Variants in GREM2 observed in about 807,000 individuals in gnomAD.
GREM2 encodes the protein gremlin 2, DAN family BMP antagonist, also known as gremlin-2.
GREM2 carries 11 observed loss-of-function variants against 14.2 expected under a neutral mutation model. The observed-to-expected ratio is 0.78, with a 90% CI of 0.49 to 1.28. The LOEUF (loss-of-function observed/expected upper bound fraction) is 1.28, where lower values mean the gene tolerates loss of function less well. Ranked by LOEUF, GREM2 falls within the 50% of genes most tolerant of loss-of-function variation. GREM2 has a pLI of 0.00. For synonymous variants in GREM2, 98 were observed against 97.6 expected (o/e 1.00, Z -0.02); for missense variants, 210 against 218.5 (o/e 0.96, Z 0.24).
chr1:240,606,296 A>G (rs928901997), intron 1 of GREM2, among the ~76,000 whole-genome samples: 13 of 152,238 alleles, frequency 8.5e-5, no homozygotes, highest in African/African-American at 2.9e-4. Flanking sequence ...ACATGTTACA[A>G]AAATAATTAT....
chr1:240,547,514 A>AAAT (rs1442340788), intron 1 of GREM2, among the ~76,000 whole-genome samples: 3 of 102,680 alleles, frequency 2.9e-5, no homozygotes, highest in South Asian at 3.1e-4. Flanking sequence ...AAAAAAAAAA[A>AAAT]ATATATATAT....
Position 240,492,123 on chromosome 1 carries a change from C to T in GREM2, c.*846G>A. 2.8e-6 allele frequency: 1 copy of T among 352,708 alleles called. No homozygotes were observed. The highest frequency in any genetic ancestry group is 2.1e-5 in the South Asian group (1 of 47,656). 21.8% of individuals were successfully genotyped at this position (352,708 alleles called of 1,614,324 possible). ...ATAATACATGAATAGGTCTATAATA[C>T]TTTTTAACAGCTCTTTACAATATAC... On this transcript the variant is annotated 3_prime_UTR_variant, in exon 2 of 2. Coordinates refer to ENST00000318160, the MANE Select transcript of GREM2 (RefSeq NM_022469.4).
At chr1:240,504,391 C>T (rs1677636681) in intron 1 of GREM2, among the ~76,000 whole-genome samples, 1 of 152,174 alleles carries the variant, frequency 6.6e-6, no homozygotes, top group African/African-American at 2.4e-5. Flanking sequence ...CGTAGGCTTT[C>T]CAAGAGGTAT....
intron 1 of GREM2, among the ~76,000 whole-genome samples, chr1:240,528,724 C>T (rs965932054): frequency 3.9e-5 from 6 of 152,188 alleles, no homozygotes; most frequent in Non-Finnish European, 5.9e-5. Context: ...TCTGGCTTCT[C>T]AGTTGCAGCC....
chr1:240,601,784 G>A (rs1679930395), intron 1 of GREM2, among the ~76,000 whole-genome samples: 1 of 152,014 alleles, frequency 6.6e-6, no homozygotes, highest in Non-Finnish European at 1.5e-5. Context: ...GCACATGCCT[G>A]TAATCCCAGC....
Position 240,577,638 on chromosome 1 carries a change from G to C in GREM2, c.-2+34246C>G, listed in dbSNP as rs556412653. Among the ~76,000 whole-genome samples the C allele has an allele frequency of 2.6e-5, 4 of 152,276 alleles. No homozygotes were observed. The East Asian group carries it at 7.7e-4, about 29-fold the overall frequency. On this transcript the variant is annotated intron_variant, in intron 1 of 1. Transcript: ENST00000318160. ...AAAATATCATGAAACGTATTTCTTT[G>C]GGAAATTATTACAGTTTGGGATGTT...
chr1:240,597,363 C>G (rs973502875), intron 1 of GREM2, among the ~76,000 whole-genome samples: 1 of 152,216 alleles, frequency 6.6e-6, no homozygotes, highest in Non-Finnish European at 1.5e-5. Context: ...CACAGCAGAG[C>G]TGCTATGCTG....
chr1:240,611,044 G>T (rs1279379091), intron 1 of GREM2, among the ~76,000 whole-genome samples: 7 of 146,496 alleles, frequency 4.8e-5, no homozygotes, highest in African/African-American at 1.5e-4. Flanking sequence ...TCAGGAAATA[G>T]ATTTTTTTAA....
chr1:240,574,586 C>T (rs1378375075), intron 1 of GREM2, among the ~76,000 whole-genome samples: 7 of 152,032 alleles, frequency 4.6e-5, no homozygotes, highest in African/African-American at 1.7e-4. Context: ...GTTAAGTAAA[C>T]TTAAAGGAGC....
chr1:240,551,684 A>T (rs1232544980), intron 1 of GREM2, among the ~76,000 whole-genome samples: 2 of 151,782 alleles, frequency 1.3e-5, no homozygotes, highest in African/African-American at 4.8e-5. Flanking sequence ...CTATTGAATG[A>T]GGTACACTTA....
intron 1 of GREM2, among the ~76,000 whole-genome samples, chr1:240,513,707 C>T (rs962363287): frequency 6.6e-6 from 1 of 151,934 alleles, no homozygotes; most frequent in South Asian, 2.1e-4. Flanking sequence ...GTCTTATGGA[C>T]CGTGATAAAT....
chr1:240,528,242 T>C (rs1572383664), intron 1 of GREM2, among the ~76,000 whole-genome samples: 1 of 152,332 alleles, frequency 6.6e-6, no homozygotes, highest in African/African-American at 2.4e-5. Flanking sequence ...TACAGTTGCC[T>C]TTTAAATAAT....
intron 1 of GREM2, among the ~76,000 whole-genome samples, chr1:240,585,672 G>T (rs79067746): frequency 7.1e-6 from 1 of 141,648 alleles, no homozygotes; most frequent in Non-Finnish European, 1.5e-5. Flanking sequence ...GGAGGTTTCA[G>T]TGAGCCGAGG....
chr1:240,547,062 G>T (rs1363120992), intron 1 of GREM2, among the ~76,000 whole-genome samples: 1 of 152,120 alleles, frequency 6.6e-6, no homozygotes, highest in Non-Finnish European at 1.5e-5. Context: ...GCCTTAACAG[G>T]AAGGGAGGGA....
chr1:240,503,008 A>G (rs574348330), intron 1 of GREM2, among the ~76,000 whole-genome samples: 2 of 152,312 alleles, frequency 1.3e-5, no homozygotes, highest in African/African-American at 4.8e-5. Context: ...ACTACCATTC[A>G]GGTCTTTATT....
intron 1 of GREM2, among the ~76,000 whole-genome samples, chr1:240,526,924 T>C (rs1029050557): frequency 1.3e-5 from 2 of 152,156 alleles, no homozygotes; most frequent in African/African-American, 4.8e-5. Flanking sequence ...ACCTCTAGGA[T>C]GGGGTCAGTT....
chr1:240,572,470 A>C (rs937234706), intron 1 of GREM2, among the ~76,000 whole-genome samples: 5 of 152,222 alleles, frequency 3.3e-5, no homozygotes, highest in African/African-American at 1.2e-4. Flanking sequence ...CTGGTAACTC[A>C]AATTACTTTA....
At chr1:240,497,843 G>A (rs1184002062) in intron 1 of GREM2, among the ~76,000 whole-genome samples, 1 of 152,108 alleles carries the variant, frequency 6.6e-6, no homozygotes, top group African/African-American at 2.4e-5. Flanking sequence ...TATTATATTT[G>A]TGGAATGATT....
intron 1 of GREM2, among the ~76,000 whole-genome samples, chr1:240,601,287 A>T (rs1679917665): frequency 6.6e-6 from 1 of 152,228 alleles, no homozygotes; most frequent in African/African-American, 2.4e-5. Context: ...CACAGATAGG[A>T]ACAAAGCCAG....
Sources: gnomAD v4.1 joint callset for allele counts (sites outside exome capture counted in the v4.1 genomes callset) on GRCh38, gnomAD v4.1.1 for gene constraint, MANE v1.5 for transcripts, NCBI Gene and HGNC (gene_info 2026-07-23, HGNC 2026-07-21) for gene names.